POC1B: variants seen among roughly 807,000 people sequenced by gnomAD.
The protein encoded by POC1B is POC1 centriolar protein B.
A neutral mutation model predicts 60.6 loss-of-function variants in POC1B; 44 were observed. That is an observed-to-expected ratio of 0.73 (90% CI 0.57 to 0.93). The LOEUF (loss-of-function observed/expected upper bound fraction) is 0.93, where lower values mean the gene tolerates loss of function less well. Ranked by LOEUF, POC1B falls within the 40% of genes least tolerant of loss-of-function variation. POC1B has a pLI of 0.00. For synonymous variants in POC1B, 180 were observed against 198.9 expected (o/e 0.90, Z 0.80); for missense variants, 555 against 572.3 (o/e 0.97, Z 0.31).
downstream of POC1B, among the ~76,000 whole-genome samples, chr12:89,419,555 T>A (rs1327857931): frequency 1.3e-5 from 2 of 152,130 alleles, no homozygotes; most frequent in Non-Finnish European, 2.9e-5. Flanking sequence ...TGCAAATGAT[T>A]GGGCCCCACC....
chr12:89,524,811 C>G (rs1871277423), intron 2 of POC1B: 2 of 615,788 alleles, frequency 3.2e-6, no homozygotes, highest in Admixed American at 3.0e-5. Flanking sequence ...GCCAACACCC[C>G]ACCCTCCCCG....
At chr12:89,460,055 G>A in intron 9 of POC1B, 1 of 382,052 alleles carries the variant, frequency 2.6e-6, no homozygotes, top group South Asian at 2.1e-5. Flanking sequence ...AGTTCAGTAA[G>A]AAAAGGAAAT....
At chr12:89,498,875 A>T (rs1869391821) in intron 2 of POC1B, among the ~76,000 whole-genome samples, 1 of 152,178 alleles carries the variant, frequency 6.6e-6, no homozygotes, top group African/African-American at 2.4e-5. Context: ...AGAACCACAT[A>T]GTAGGGAAGA....
chr12:89,457,464 C>G (rs560956807), intron 10 of POC1B, among the ~76,000 whole-genome samples: 1 of 152,304 alleles, frequency 6.6e-6, no homozygotes, highest in Admixed American at 6.5e-5. Context: ...GAATCTATGT[C>G]TTCAGAATGC....
chr12:89,504,523 A>G (rs1339631359), intron 2 of POC1B, among the ~76,000 whole-genome samples: 2 of 152,048 alleles, frequency 1.3e-5, no homozygotes, highest in Non-Finnish European at 2.9e-5. Flanking sequence ...TCACTTGTTT[A>G]TCTGCTGACC....
intron 4 of POC1B, among the ~76,000 whole-genome samples, chr12:89,486,040 C>T (rs946015193): frequency 2.0e-5 from 3 of 152,160 alleles, no homozygotes; most frequent in Non-Finnish European, 4.4e-5. Flanking sequence ...GACCACCTCC[C>T]AAACCCACCA....
intron 2 of POC1B, among the ~76,000 whole-genome samples, chr12:89,512,689 G>C (rs555994843): frequency 2.7e-3 from 404 of 152,296 alleles, no homozygotes; most frequent in African/African-American, 9.2e-3. Flanking sequence ...TTGACCAGGA[G>C]GTCAAGGCTG....
chr12:89,510,734 G>A lies in POC1B; in HGVS notation c.101-13392C>T, dbSNP rs980599758. Among the ~76,000 whole-genome samples, 11 of 150,394 alleles carry A rather than the reference G, an allele frequency of 7.3e-5. 1 individual carries two copies. The highest frequency in any genetic ancestry group is 6.7e-5 in the Admixed American group (1 of 15,002). On this transcript the variant is annotated intron_variant, in intron 2 of 11. Coordinates refer to ENST00000313546, the MANE Select transcript of POC1B (RefSeq NM_172240.3). ...ATATTTTCAGCAACAAATTAGTTTC[G>A]TCACTGGAGGAAGAAATATGTTTTT...
chr12:89,429,783 A>C (rs934470441), intron 10 of POC1B, among the ~76,000 whole-genome samples: 4 of 152,218 alleles, frequency 2.6e-5, no homozygotes, highest in African/African-American at 9.6e-5. Flanking sequence ...ACATGATTGC[A>C]AGACTGCAGA....
intron 2 of POC1B, 37 bp downstream of exon 2, chr12:89,525,083 A>G (rs1249295373): frequency 1.2e-6 from 2 of 1,613,326 alleles, no homozygotes; most frequent in Non-Finnish European, 8.5e-7. Context: ...CATGGAGTTT[A>G]GTCTCATTAC....
chr12:89,515,155 C>CG, intron 2 of POC1B, among the ~76,000 whole-genome samples: 1 of 152,254 alleles, frequency 6.6e-6, no homozygotes, highest in African/African-American at 2.4e-5. Context: ...TGAATTAACT[C>CG]AACAGATATG....
At chr12:89,418,313 G>A (rs1251417324), downstream of POC1B, among the ~76,000 whole-genome samples, 1 of 152,206 alleles carries the variant, frequency 6.6e-6, no homozygotes, top group East Asian at 1.9e-4. Context: ...AGAGGGTGGT[G>A]AGTGAGGATT....
Position 89,525,202 on chromosome 12 carries a change from C to T in POC1B, c.18G>A (p.Glu6=), listed in dbSNP as rs1690820212. 3 of 1,607,522 alleles carry T rather than the reference C, an allele frequency of 1.9e-6. No individual in the cohort carries two copies. The highest frequency in any genetic ancestry group is 4.5e-5 in the East Asian group (2 of 44,074). The change falls in exon 2 of 12, where the codon GAG becomes GAA. Residue 6 remains glutamate, a splice_region_variant and synonymous_variant. Transcript: ENST00000313546. ...TGAAATAACGCTCCAGAACGGGGTC[C>T]TCCTGGAAAGGAAAGTTGTCAAGTT... The part of the protein sequence containing the change: MASAT[E]DPVLERYFKG...
At position 89,446,317 on chromosome 12, in the gene POC1B, C is replaced by T. The variant is rs377044919; in HGVS notation, c.1113+13321G>A. On this transcript the variant is annotated intron_variant, in intron 10 of 11. Coordinates refer to ENST00000313546, the MANE Select transcript of POC1B (RefSeq NM_172240.3). ...GACACATGCACACATATGTTTATTG[C>T]GGCACTATTCACAATACAAAGACTT... is the stretch of plus-strand genomic sequence containing the variant. Among the ~76,000 whole-genome samples the T allele has an allele frequency of 1.1e-4, 16 of 152,126 alleles. No individual in the cohort carries two copies. In the East Asian group the frequency reaches 1.7e-3, roughly 16 times the overall value.
intron 2 of POC1B, chr12:89,524,755 T>C: frequency 1.6e-6 from 1 of 637,098 alleles, no homozygotes; most frequent in Non-Finnish European, 2.8e-6. Flanking sequence ...AACTCCTCTC[T>C]CCCTACTTCC....
chr12:89,495,824 T>C (rs1440821909), intron 3 of POC1B, among the ~76,000 whole-genome samples: 1 of 152,108 alleles, frequency 6.6e-6, no homozygotes, highest in Non-Finnish European at 1.5e-5. Context: ...TACAATGGCA[T>C]GATCTCGGCT....
chr12:89,520,247 G>T (rs12815434), intron 2 of POC1B: 1 of 151,936 alleles, frequency 6.6e-6, no homozygotes, highest in African/African-American at 2.4e-5. Flanking sequence ...AAAGAATTAA[G>T]GTACTTTATT....
At chr12:89,479,247 T>C (rs1020567442) in intron 4 of POC1B, among the ~76,000 whole-genome samples, 5 of 152,212 alleles carry the variant, frequency 3.3e-5, no homozygotes, top group African/African-American at 1.2e-4. Context: ...AACTTGCATA[T>C]AGACTCCCTT....
chr12:89,464,802 GAA>G (rs75294490), intron 9 of POC1B, among the ~76,000 whole-genome samples: 47 of 124,168 alleles, frequency 3.8e-4, no homozygotes, highest in Middle Eastern at 4.1e-3. Flanking sequence ...ATTTTTTCAG[GAA>G]AAAAAAAAAA....
Sources: allele counts gnomAD v4.1 joint callset (sites outside exome capture counted in the v4.1 genomes callset), GRCh38; gene constraint gnomAD v4.1.1; transcripts MANE v1.5; gene names NCBI Gene and HGNC (gene_info 2026-07-23, HGNC 2026-07-21).